The following TMEM74 variants were observed in gnomAD, a reference collection of about 807,000 sequenced individuals.
The protein encoded by TMEM74 is transmembrane protein 74.
In TMEM74, 13 loss-of-function variants were observed where a neutral mutation model predicts 18.1. The observed-to-expected ratio is 0.72, with a 90% CI of 0.47 to 1.14. TMEM74 has a LOEUF of 1.14. Among genes scored for constraint, TMEM74 ranks in the 50% most tolerant of loss-of-function variants. The probability of loss-of-function intolerance (pLI) is 0.00; values close to 1 mark genes in which losing one functional copy is unlikely to be tolerated. For missense variants in TMEM74, 372 were observed against 375.9 expected (o/e 0.99, Z 0.09); for synonymous variants, 159 against 146.6 (o/e 1.08, Z -0.61).
At chr8:108,700,655 A>G (rs963427668) in intron 1 of TMEM74, among the ~76,000 whole-genome samples, 7 of 152,206 alleles carry the variant, frequency 4.6e-5, no homozygotes, top group Admixed American at 1.3e-4. Flanking sequence ...TTTCATATAC[A>G]TGGGGCATTT....
At chr8:108,722,682 C>CA (rs1172265066) in intron 1 of TMEM74, among the ~76,000 whole-genome samples, 1 of 152,100 alleles carries the variant, frequency 6.6e-6, no homozygotes, top group East Asian at 1.9e-4. Flanking sequence ...GTACCTGACA[C>CA]AATATGTATG....
chr8:108,627,356 A>T (rs1006136393), intron 2 of TMEM74, among the ~76,000 whole-genome samples: 3 of 152,036 alleles, frequency 2.0e-5, no homozygotes, highest in Non-Finnish European at 4.4e-5. Context: ...AGTATGACAT[A>T]GAAACATGGG....
At chr8:108,637,459 C>T (rs1423822463) in intron 2 of TMEM74, among the ~76,000 whole-genome samples, 1 of 152,026 alleles carries the variant, frequency 6.6e-6, no homozygotes, top group Non-Finnish European at 1.5e-5. Flanking sequence ...GGGAGATTAT[C>T]CCGGATTATC....
In TMEM74 at chr8:108,725,533, C is replaced by CATTT. The variant is rs534169444; in HGVS notation, n.119+61942_119+61943insAAAT. Among the ~76,000 whole-genome samples the CATTT allele has an allele frequency of 1.3e-3, 199 of 152,220 alleles. 1 individual carries two copies. The highest frequency in any genetic ancestry group is 4.6e-3 in the African/African-American group (191 of 41,538). On this transcript the variant is annotated intron_variant and non_coding_transcript_variant, in intron 1 of 3. Transcript: ENST00000518838. ...ATAAGAACATACTCAGCTATGTTCT[C>CATTT]TTAAATGTTTAGAAAATTAGACTAA...
intron 1 of TMEM74, among the ~76,000 whole-genome samples, chr8:108,737,328 CT>C (rs1813758517): frequency 6.6e-6 from 1 of 152,116 alleles, no homozygotes; most frequent in Non-Finnish European, 1.5e-5. Flanking sequence ...TCCTTTGGGT[CT>C]AACCTGATTT....
At chr8:108,634,323 G>C (rs1383491236) in intron 2 of TMEM74, among the ~76,000 whole-genome samples, 1 of 151,916 alleles carries the variant, frequency 6.6e-6, no homozygotes, top group Non-Finnish European at 1.5e-5. Context: ...ATCATGTTTT[G>C]GCACTTGTAG....
intron 2 of TMEM74, among the ~76,000 whole-genome samples, chr8:108,632,421 T>C (rs1316321426): frequency 6.6e-6 from 1 of 152,040 alleles, no homozygotes; most frequent in Non-Finnish European, 1.5e-5. Context: ...AATTTTTCCA[T>C]GTTTACCAAT....
chr8:108,724,333 G>A (rs1813613084), intron 1 of TMEM74, among the ~76,000 whole-genome samples: 1 of 152,076 alleles, frequency 6.6e-6, no homozygotes, highest in Non-Finnish European at 1.5e-5. Flanking sequence ...AACAGTGACA[G>A]TCCCCTTATT....
At chr8:108,657,600 G>A (rs1029841158) in intron 1 of TMEM74, among the ~76,000 whole-genome samples, 2 of 151,670 alleles carry the variant, frequency 1.3e-5, no homozygotes, top group South Asian at 2.1e-4. Flanking sequence ...GCTCACCCCT[G>A]TAATCCCAGC....
At chr8:108,746,658 C>T (rs1353051411) in intron 1 of TMEM74, among the ~76,000 whole-genome samples, 2 of 152,040 alleles carry the variant, frequency 1.3e-5, no homozygotes, top group African/African-American at 4.8e-5. Context: ...CCTAAATAGC[C>T]TCAGGATGGG....
At chr8:108,745,915 G>A (rs370513403) in intron 1 of TMEM74, among the ~76,000 whole-genome samples, 5 of 152,086 alleles carry the variant, frequency 3.3e-5, no homozygotes, top group African/African-American at 7.2e-5. Context: ...TCTAATTACC[G>A]GTGCATACAG....
rs1355595443 is a variant in TMEM74, at chr8:108,780,417, A to T, written c.*3764T>A. Among the ~76,000 whole-genome samples the T allele has an allele frequency of 1.3e-5, 2 of 152,170 alleles. No individual in the cohort carries two copies. Among genetic ancestry groups the T allele is most frequent in the Non-Finnish European group, 2.9e-5 (2 of 68,028 alleles). On this transcript the variant is annotated 3_prime_UTR_variant, in exon 2 of 2. Coordinates refer to ENST00000297459, the MANE Select transcript of TMEM74 (RefSeq NM_153015.3). Reference sequence around the variant, plus strand: ...TGCTTGTCAGAAGGTGGTAAAAAAAAATAGAGCCATTGGGTTCAGGCTTTT... The same window carrying T: ...TGCTTGTCAGAAGGTGGTAAAAAAATATAGAGCCATTGGGTTCAGGCTTTT...
intron 2 of TMEM74, among the ~76,000 whole-genome samples, chr8:108,631,916 G>GT (rs1334284338): frequency 2.6e-5 from 4 of 151,978 alleles, no homozygotes; most frequent in Non-Finnish European, 5.9e-5. Flanking sequence ...ATTCCAAGCT[G>GT]TTTTTTATCA....
chr8:108,671,410 G>T (rs899728542), intron 1 of TMEM74, among the ~76,000 whole-genome samples: 1 of 152,202 alleles, frequency 6.6e-6, no homozygotes, highest in African/African-American at 2.4e-5. Flanking sequence ...CAACTGTCCT[G>T]TTTCTGTTTG....
chr8:108,675,204 G>A (rs1813044649), intron 1 of TMEM74, among the ~76,000 whole-genome samples: 1 of 152,138 alleles, frequency 6.6e-6, no homozygotes. Flanking sequence ...ACTACCTTTT[G>A]TTTATGGTGT....
intron 1 of TMEM74, among the ~76,000 whole-genome samples, chr8:108,705,143 T>C (rs1813384783): frequency 6.6e-6 from 1 of 152,226 alleles, no homozygotes; most frequent in South Asian, 2.1e-4. Context: ...CCACGGTTTG[T>C]AAAACCCTTT....
At chr8:108,636,921 A>C (rs1211603189) in intron 2 of TMEM74, among the ~76,000 whole-genome samples, 2 of 152,092 alleles carry the variant, frequency 1.3e-5, no homozygotes, top group South Asian at 2.1e-4. Context: ...CTCAGCTACT[A>C]TGTGTTGACC....
At chr8:108,618,787 C>A (rs1488769740) in intron 2 of TMEM74, among the ~76,000 whole-genome samples, 1 of 152,112 alleles carries the variant, frequency 6.6e-6, no homozygotes, top group Non-Finnish European at 1.5e-5. Context: ...GATTCAGTGA[C>A]CTTGTGTACT....
intron 1 of TMEM74, among the ~76,000 whole-genome samples, chr8:108,759,420 T>C (rs1165848297): frequency 6.6e-6 from 1 of 152,088 alleles, no homozygotes; most frequent in Non-Finnish European, 1.5e-5. Flanking sequence ...ATATTTGATG[T>C]AATAAAAAGG....
Sources: allele counts gnomAD v4.1 joint callset (sites outside exome capture counted in the v4.1 genomes callset), GRCh38; gene constraint gnomAD v4.1.1; transcripts MANE v1.5; gene names NCBI Gene and HGNC (gene_info 2026-07-23, HGNC 2026-07-21).